The following KCNH8 variants were observed in gnomAD, a reference collection of about 807,000 sequenced individuals.
The protein encoded by KCNH8 is voltage-gated delayed rectifier potassium channel KCNH8.
A neutral mutation model predicts 103.6 loss-of-function variants in KCNH8; 70 were observed. The observed-to-expected ratio is 0.68, with a 90% CI of 0.56 to 0.82. The LOEUF (loss-of-function observed/expected upper bound fraction) is 0.82, where lower values mean the gene tolerates loss of function less well. Ranked by LOEUF, KCNH8 falls within the 40% of genes least tolerant of loss-of-function variation. KCNH8 has a pLI of 0.00. For synonymous variants in KCNH8, 498 were observed against 489.4 expected, an observed-to-expected ratio of 1.02 and a Z score of -0.23; for missense variants, 1,217 against 1,329.9, an observed-to-expected ratio of 0.92 and a Z score of 1.32.
chr3:19,484,280 G>T (rs1335560275), intron 11 of KCNH8, among the ~76,000 whole-genome samples: 1 of 152,108 alleles, frequency 6.6e-6, no homozygotes, highest in East Asian at 1.9e-4. Context: ...ATATAAACAT[G>T]CTCCTTTTAA....
rs368075197 is a variant in KCNH8, at chr3:19,361,050, G to A, written c.811+13085G>A. Among the ~76,000 whole-genome samples the A allele has an allele frequency of 1.6e-4, 25 of 152,118 alleles. No homozygotes were observed. In the East Asian group the frequency reaches 2.3e-3, roughly 14 times the overall value. The stretch of plus-strand genomic sequence containing the variant: ...CAGTCTATGAAAATAGAAAAAATGA[G>A]GAAACTGAGTCTTCTGGCAAATTTG... On this transcript the variant is annotated intron_variant, in intron 5 of 15. Transcript: ENST00000328405.
chr3:19,304,280 C>A (rs1007215347), intron 3 of KCNH8, among the ~76,000 whole-genome samples: 1 of 152,156 alleles, frequency 6.6e-6, no homozygotes, highest in Non-Finnish European at 1.5e-5. Flanking sequence ...CACATGTGCT[C>A]AGACTTTCTA....
At chr3:19,323,401 A>G (rs954336123) in intron 3 of KCNH8, among the ~76,000 whole-genome samples, 4 of 152,120 alleles carry the variant, frequency 2.6e-5, no homozygotes, top group Non-Finnish European at 4.4e-5. Flanking sequence ...GTGAGCTGAG[A>G]TCGCACCACT....
intron 1 of KCNH8, among the ~76,000 whole-genome samples, chr3:19,191,026 A>T (rs2125209730): frequency 6.6e-6 from 1 of 152,032 alleles, no homozygotes; most frequent in African/African-American, 2.4e-5. Flanking sequence ...AACCTTTTGA[A>T]CTAGATTATT....
chr3:19,475,340 A>G (rs1382558834), intron 11 of KCNH8, among the ~76,000 whole-genome samples: 1 of 152,206 alleles, frequency 6.6e-6, no homozygotes, highest in Non-Finnish European at 1.5e-5. Context: ...GCCCATTCTA[A>G]GTGAATTTGC....
At chr3:19,422,902 A>G (rs551297243) in intron 7 of KCNH8, among the ~76,000 whole-genome samples, 1 of 152,252 alleles carries the variant, frequency 6.6e-6, no homozygotes, top group African/African-American at 2.4e-5. Flanking sequence ...TTGAAATGAA[A>G]AACGGATAAC....
At chr3:19,491,647 C>T (rs75015711) in intron 11 of KCNH8, among the ~76,000 whole-genome samples, 9,347 of 152,254 alleles carry the variant, frequency 0.061, 584 homozygotes, top group East Asian at 0.26. Context: ...CAGCAATGAA[C>T]ATATGAGTGA....
chr3:19,232,964 A>G (rs555791960), intron 1 of KCNH8, among the ~76,000 whole-genome samples: 1 of 152,254 alleles, frequency 6.6e-6, no homozygotes, highest in Admixed American at 6.5e-5. Flanking sequence ...GATTCAACCT[A>G]AATAAGTCCC....
chr3:19,500,851 T>C (rs568707274), intron 11 of KCNH8, among the ~76,000 whole-genome samples: 1 of 152,002 alleles, frequency 6.6e-6, no homozygotes, highest in African/African-American at 2.4e-5. Context: ...ATTGACACCC[T>C]AACATGACAA....
In KCNH8 at chr3:19,252,630, C is replaced by T. The variant is rs1056549076; in HGVS notation, c.77-1024C>T. ...GTTTTGAACTCCTGACCTCGTGATCCACCCACCTTGGCCTCCCAAAGTGCT... is the reference window on the plus strand; with the variant it reads ...GTTTTGAACTCCTGACCTCGTGATCTACCCACCTTGGCCTCCCAAAGTGCT... On this transcript the variant is annotated intron_variant, in intron 1 of 15. Coordinates refer to ENST00000328405, the MANE Select transcript of KCNH8 (RefSeq NM_144633.3). Among the ~76,000 whole-genome samples, 16 of 151,994 alleles carry T rather than the reference C, an allele frequency of 1.1e-4. 1 individual carries two copies. Among genetic ancestry groups the T allele is most frequent in the African/African-American group, 3.9e-4 (16 of 41,380 alleles).
chr3:19,396,190 A>G lies in KCNH8; in HGVS notation c.1177+879A>G, dbSNP rs576743326. 4.6e-5 allele frequency among the ~76,000 whole-genome samples: 7 copies of G among 152,152 alleles called. No individual in the cohort carries two copies. The South Asian group carries it at 1.5e-3, about 32-fold the overall frequency. ...CCTTCACTTATCTTCTCTATCAAAA[A>G]TCAATCTTGAACTTTTGGAAGAAGC... On this transcript the variant is annotated intron_variant, in intron 7 of 15. Coordinates refer to ENST00000328405, the MANE Select transcript of KCNH8 (RefSeq NM_144633.3).
intron 7 of KCNH8, among the ~76,000 whole-genome samples, chr3:19,402,090 TG>T (rs1279249877): frequency 6.6e-6 from 1 of 151,982 alleles, no homozygotes; most frequent in Non-Finnish European, 1.5e-5. Flanking sequence ...ACTGCATCCC[TG>T]TTCGTAAAGA....
At chr3:19,289,237 C>T (rs879458346) in intron 3 of KCNH8, among the ~76,000 whole-genome samples, 1 of 151,852 alleles carries the variant, frequency 6.6e-6, no homozygotes, top group Admixed American at 6.6e-5. Flanking sequence ...TTAATTAGAT[C>T]CCATTTGTCA....
In KCNH8 at chr3:19,260,123, A is replaced by G. The variant is rs79959601; in HGVS notation, c.310+6236A>G. 3.7e-3 allele frequency among the ~76,000 whole-genome samples: 560 copies of G among 151,782 alleles called. 12 individuals carry two copies. Among genetic ancestry groups the G allele is most frequent in the Admixed American group, 0.029 (448 of 15,194 alleles). On this transcript the variant is annotated intron_variant, in intron 2 of 15. Transcript: ENST00000328405. ...TGGTATTTTAGCCATCAACATGTCT[A>G]AAGGTAAATTTGATAATGCTAGCTG... is the stretch of plus-strand genomic sequence containing the variant.
intron 10 of KCNH8, among the ~76,000 whole-genome samples, chr3:19,456,437 A>G (rs956277983): frequency 3.3e-5 from 5 of 152,056 alleles, no homozygotes; most frequent in Non-Finnish European, 5.9e-5. Flanking sequence ...TAAAAAATTT[A>G]AAAGTTAAAA....
intron 7 of KCNH8, among the ~76,000 whole-genome samples, chr3:19,433,890 G>C (rs1292183101): frequency 6.6e-6 from 1 of 152,222 alleles, no homozygotes. Context: ...TGGAAAAGGG[G>C]TGAAGGGTTG....
Position 19,154,926 on chromosome 3 carries a change from T to C in KCNH8, c.76+6131T>C, listed in dbSNP as rs567445295. On this transcript the variant is annotated intron_variant, in intron 1 of 15. Coordinates refer to ENST00000328405, the MANE Select transcript of KCNH8 (RefSeq NM_144633.3). ...TCTCATCTAAATGCTGTGTTTAAAA[T>C]CCAAAATACAAACATCAAAGATGAG... Among the ~76,000 whole-genome samples, 233 of 152,336 alleles carry C rather than the reference T, an allele frequency of 1.5e-3. 3 individuals are homozygous for C. The highest frequency in any genetic ancestry group is 4.9e-3 in the African/African-American group (204 of 41,576).
At chr3:19,519,414 T>C (rs2068933098) in intron 15 of KCNH8, among the ~76,000 whole-genome samples, 1 of 151,694 alleles carries the variant, frequency 6.6e-6, no homozygotes, top group African/African-American at 2.4e-5. Flanking sequence ...TCATAAACTC[T>C]GCAGGTTTCT....
intron 3 of KCNH8, among the ~76,000 whole-genome samples, chr3:19,310,389 G>A (rs150115507): frequency 9.5e-4 from 144 of 151,958 alleles, no homozygotes; most frequent in African/African-American, 3.3e-3. Context: ...CCAATGTGGT[G>A]CAGAATTCTT....
Sources: allele counts gnomAD v4.1 joint callset (sites outside exome capture counted in the v4.1 genomes callset), GRCh38; gene constraint gnomAD v4.1.1; transcripts MANE v1.5; gene names NCBI Gene and HGNC (gene_info 2026-07-23, HGNC 2026-07-21).